The following CDH13 variants were observed in gnomAD, a reference collection of about 807,000 sequenced individuals.
CDH13 encodes the protein cadherin 13, also known as cadherin-13.
A neutral mutation model predicts 63.8 loss-of-function variants in CDH13; 24 were observed. That is an observed-to-expected ratio of 0.38 (90% CI 0.27 to 0.53). The LOEUF is 0.53. CDH13 is among the 20% of genes least tolerant of loss of function. The pLI is 0.85. For synonymous variants in CDH13, 503 were observed against 355.3 expected (o/e 1.42, Z -4.67); for missense variants, 1,049 against 903.1 (o/e 1.16, Z -2.07).
At chr16:83,403,420 G>A (rs568432588) in intron 6 of CDH13, among the ~76,000 whole-genome samples, 4 of 152,176 alleles carry the variant, frequency 2.6e-5, no homozygotes, top group Middle Eastern at 3.4e-3. Context: ...TCAGGAGATC[G>A]AGAGCATCCT....
At chr16:83,328,076 TGAGCCGAGATG>T (rs2090404035) in intron 5 of CDH13, among the ~76,000 whole-genome samples, 1 of 147,864 alleles carries the variant, frequency 6.8e-6, no homozygotes, top group Admixed American at 6.9e-5. Context: ...GAGCTTGCAG[TGAGCCGAGATG>T]GCACCACTGC....
At chr16:82,858,697 G>T (rs2039806557) in intron 2 of CDH13, 1 of 608,316 alleles carries the variant, frequency 1.6e-6, no homozygotes, top group Non-Finnish European at 2.9e-6. Flanking sequence ...ATCATCAGTG[G>T]GTATCTCCAT....
At chr16:83,260,064 TA>T in intron 5 of CDH13, among the ~76,000 whole-genome samples, 1 of 47,296 alleles carries the variant, frequency 2.1e-5, no homozygotes, top group Non-Finnish European at 4.3e-5. Context: ...CAGTATATAA[TA>T]GTTTTTTTTT....
intron 8 of CDH13, among the ~76,000 whole-genome samples, chr16:83,644,890 T>C (rs1911646546): frequency 1.3e-5 from 2 of 152,252 alleles, no homozygotes; most frequent in African/African-American, 4.8e-5. Flanking sequence ...ATATGAAGTA[T>C]GCTTTGCAGC....
At position 83,436,079 on chromosome 16, in the gene CDH13, C is replaced by G. The variant is rs1016506149; in HGVS notation, c.782-50398C>G. Among the ~76,000 whole-genome samples the G allele has an allele frequency of 3.9e-5, 6 of 152,286 alleles. No individual in the cohort carries two copies. The South Asian group carries it at 1.2e-3, about 32-fold the overall frequency. ...AAGGCCAGGAGTGCCGCTTCATATC[C>G]TGTAGTGCAAAGGGCAGCACCCGTC... On this transcript the variant is annotated intron_variant, in intron 6 of 13. Transcript: ENST00000567109.
chr16:83,088,894 C>T (rs932957789), intron 3 of CDH13, among the ~76,000 whole-genome samples: 1 of 152,170 alleles, frequency 6.6e-6, no homozygotes, highest in African/African-American at 2.4e-5. Context: ...TAGCCCACTA[C>T]CTGTTTTTGT....
chr16:82,945,219 G>T (rs1490352840), intron 2 of CDH13, among the ~76,000 whole-genome samples: 1 of 152,194 alleles, frequency 6.6e-6, no homozygotes, highest in East Asian at 1.9e-4. Flanking sequence ...TGAAGTTTCT[G>T]TGGCAGTCAC....
intron 1 of CDH13, among the ~76,000 whole-genome samples, chr16:82,743,083 C>A (rs1052705533): frequency 6.6e-6 from 1 of 152,218 alleles, no homozygotes; most frequent in African/African-American, 2.4e-5. Flanking sequence ...ATGTATGTAG[C>A]GCCCACAACA....
At chr16:83,055,978 G>C (rs2030885970) in intron 3 of CDH13, among the ~76,000 whole-genome samples, 1 of 152,006 alleles carries the variant, frequency 6.6e-6, no homozygotes, top group African/African-American at 2.4e-5. Flanking sequence ...ATTTATCTAG[G>C]ACATGTTAAC....
At chr16:83,318,490 T>C (rs116330277) in intron 5 of CDH13, among the ~76,000 whole-genome samples, 1 of 152,216 alleles carries the variant, frequency 6.6e-6, no homozygotes, top group Admixed American at 6.5e-5. Context: ...AAGGTTTGAT[T>C]TGAATGAAAG....
intron 2 of CDH13, among the ~76,000 whole-genome samples, chr16:82,951,820 A>G (rs983190832): frequency 6.6e-5 from 10 of 152,192 alleles, no homozygotes; most frequent in Non-Finnish European, 1.2e-4. Flanking sequence ...TTGTACACCC[A>G]TGGGAATCAG....
chr16:83,493,085 G>A (rs552419147), intron 7 of CDH13, among the ~76,000 whole-genome samples: 2 of 152,034 alleles, frequency 1.3e-5, no homozygotes, highest in East Asian at 1.9e-4. Context: ...TTCTTCATCT[G>A]CCACAGTGAG....
chr16:83,776,346 G>A (rs7199156), intron 11 of CDH13, among the ~76,000 whole-genome samples: 76,908 of 152,062 alleles, frequency 0.51, 19,959 homozygotes, highest in Non-Finnish European at 0.56. Flanking sequence ...TAATTTTTCA[G>A]TAAAGAAATT....
At chr16:83,122,895 C>T (rs919783973) in intron 3 of CDH13, among the ~76,000 whole-genome samples, 1 of 151,958 alleles carries the variant, frequency 6.6e-6, no homozygotes, top group African/African-American at 2.4e-5. Flanking sequence ...AACGTTGTAC[C>T]CAACAGGTGA....
chr16:83,584,117 C>T (rs895845372), intron 7 of CDH13, among the ~76,000 whole-genome samples: 1 of 152,106 alleles, frequency 6.6e-6, no homozygotes, highest in Non-Finnish European at 1.5e-5. Context: ...ATCACGAGGT[C>T]AGGAGATCAA....
intron 3 of CDH13, among the ~76,000 whole-genome samples, chr16:83,053,232 G>T (rs1174612736): frequency 6.6e-6 from 1 of 152,120 alleles, no homozygotes; most frequent in African/African-American, 2.4e-5. Context: ...GCCTAGGGAT[G>T]GAGAGTTCTG....
intron 6 of CDH13, among the ~76,000 whole-genome samples, chr16:83,448,576 A>C (rs2072781219): frequency 6.6e-6 from 1 of 152,162 alleles, no homozygotes; most frequent in South Asian, 2.1e-4. Flanking sequence ...TTAACATGAG[A>C]AGAGTGACTG....
chr16:83,525,599 A>G (rs2074942447), intron 7 of CDH13, among the ~76,000 whole-genome samples: 1 of 152,190 alleles, frequency 6.6e-6, no homozygotes, highest in Admixed American at 6.5e-5. Flanking sequence ...TTCTGACTTC[A>G]CATCCATAGT....
intron 1 of CDH13, among the ~76,000 whole-genome samples, chr16:82,779,398 A>T (rs192294717): frequency 1.3e-5 from 2 of 152,284 alleles, no homozygotes; most frequent in African/African-American, 4.8e-5. Context: ...TGCAGGTCCA[A>T]GCGTCCACTT....
Sources: allele counts gnomAD v4.1 joint callset (sites outside exome capture counted in the v4.1 genomes callset), GRCh38; gene constraint gnomAD v4.1.1; transcripts MANE v1.5; gene names NCBI Gene and HGNC (gene_info 2026-07-23, HGNC 2026-07-21).